Variants in ARFGEF3 observed in about 807,000 individuals in gnomAD.
ARFGEF3 encodes ARFGEF family member 3.
In ARFGEF3, 96 loss-of-function variants were observed where a neutral mutation model predicts 221.7. The observed-to-expected ratio is 0.43, with a 90% CI of 0.37 to 0.51. ARFGEF3 has a LOEUF of 0.51. Ranked by LOEUF, ARFGEF3 falls within the 20% of genes least tolerant of loss-of-function variation. The pLI, the probability that ARFGEF3 is intolerant of heterozygous loss-of-function variation, is 0.00. For synonymous variants in ARFGEF3, 1,145 were observed against 1,126.8 expected, an observed-to-expected ratio of 1.02 and a Z score of -0.32; for missense variants, 2,410 against 2,789.9, an observed-to-expected ratio of 0.86 and a Z score of 3.07.
intron 20 of ARFGEF3, among the ~76,000 whole-genome samples, chr6:138,294,528 A>G (rs1001070532): frequency 2.6e-5 from 4 of 152,220 alleles, no homozygotes; most frequent in African/African-American, 9.6e-5. Context: ...TGTGATATGC[A>G]GAAGCAACCA....
intron 1 of ARFGEF3, among the ~76,000 whole-genome samples, chr6:138,164,932 G>A (rs973870664): frequency 1.3e-5 from 2 of 152,220 alleles, no homozygotes; most frequent in Admixed American, 6.5e-5. Flanking sequence ...ATGGGAAAGG[G>A]GGGTTACCTC....
At chr6:138,280,299 G>A (rs1779175884) in intron 14 of ARFGEF3, 135 bp downstream of exon 14, 1 of 809,336 alleles carries the variant, frequency 1.2e-6, no homozygotes, top group Admixed American at 2.5e-5. Context: ...TGGCAATGGT[G>A]ACAGTTCCAG....
At chr6:138,281,953 G>C (rs1016761799) in intron 14 of ARFGEF3, among the ~76,000 whole-genome samples, 1 of 151,756 alleles carries the variant, frequency 6.6e-6, no homozygotes, top group African/African-American at 2.4e-5. Flanking sequence ...TGGTTGGTTG[G>C]TTTTTTTGTT....
chr6:138,256,816 A>T (rs758022769), intron 10 of ARFGEF3, among the ~76,000 whole-genome samples: 1 of 143,694 alleles, frequency 7.0e-6, no homozygotes, highest in Non-Finnish European at 1.5e-5. Context: ...ACAGAGTCTC[A>T]CTCTGTTGCC....
intron 8 of ARFGEF3, among the ~76,000 whole-genome samples, chr6:138,249,113 G>C (rs1778536141): frequency 6.6e-6 from 1 of 152,158 alleles, no homozygotes; most frequent in Non-Finnish European, 1.5e-5. Context: ...TAGAATAGTT[G>C]CTGCTAATTC....
At chr6:138,275,748 A>G (rs902750559) in intron 12 of ARFGEF3, among the ~76,000 whole-genome samples, 3 of 138,162 alleles carry the variant, frequency 2.2e-5, no homozygotes, top group African/African-American at 9.1e-5. Flanking sequence ...TGACTCAGGA[A>G]AAAAAAAAAA....
intron 2 of ARFGEF3, among the ~76,000 whole-genome samples, chr6:138,191,454 C>T (rs894914944): frequency 2.0e-5 from 3 of 152,164 alleles, no homozygotes; most frequent in Non-Finnish European, 2.9e-5. Context: ...TCTTCCTGAG[C>T]ATCACAGCCT....
chr6:138,318,701 A>T (rs1388930343), intron 27 of ARFGEF3, among the ~76,000 whole-genome samples: 1 of 152,200 alleles, frequency 6.6e-6, no homozygotes, highest in African/African-American at 2.4e-5. Flanking sequence ...ATTCTCATGT[A>T]ATTTCCATGT....
At chr6:138,209,763 C>T (rs991764985) in intron 3 of ARFGEF3, 147 bp from the exon 4 acceptor site, 23 of 966,628 alleles carry the variant, frequency 2.4e-5, no homozygotes, top group South Asian at 9.2e-5. Context: ...TTCTTTTTAA[C>T]GGCACATAGC....
At chr6:138,273,743 A>G (rs1779045220) in intron 12 of ARFGEF3, among the ~76,000 whole-genome samples, 1 of 152,236 alleles carries the variant, frequency 6.6e-6, no homozygotes, top group South Asian at 2.1e-4. Flanking sequence ...ATAGGGCAGG[A>G]TTAGAAAATG....
chr6:138,225,615 A>G (rs1778070277), intron 4 of ARFGEF3, among the ~76,000 whole-genome samples: 1 of 152,164 alleles, frequency 6.6e-6, no homozygotes, highest in Non-Finnish European at 1.5e-5. Context: ...TTGTAATCCC[A>G]CAATTAGAAC....
rs761082523 is a variant in ARFGEF3, at chr6:138,263,315, G to A, written c.1832G>A (p.Cys611Tyr). The change falls in exon 12 of 34, where the codon TGT (cysteine) becomes TAT (tyrosine). Residue 611 changes from cysteine (C) to tyrosine (Y), a missense_variant. Cys to Tyr is a radical substitution (Grantham distance 194, BLOSUM62 -2). Transcript: ENST00000251691. ...QDLSRTEFDS[C>Y]DQYSMAAEKD... Reference sequence around the variant, plus strand: ...CTTTCTAGGACAGAGTTTGATTCCTGTGATCAGTACTCTATGGCAGCAGAA... The same window carrying A: ...CTTTCTAGGACAGAGTTTGATTCCTATGATCAGTACTCTATGGCAGCAGAA... The A allele has an allele frequency of 6.2e-7, 1 of 1,614,006 alleles. No homozygotes were observed. Among genetic ancestry groups the A allele is most frequent in the South Asian group, 1.1e-5 (1 of 91,082 alleles).
chr6:138,254,697 C>T (rs2114576166), intron 9 of ARFGEF3, among the ~76,000 whole-genome samples: 2 of 152,234 alleles, frequency 1.3e-5, no homozygotes, highest in Non-Finnish European at 2.9e-5. Context: ...GCCTGGGCAA[C>T]AGAGCTAGAC....
At chr6:138,333,632 C>CG (rs1780264657) in intron 32 of ARFGEF3, among the ~76,000 whole-genome samples, 1 of 151,978 alleles carries the variant, frequency 6.6e-6, no homozygotes, top group African/African-American at 2.4e-5. Context: ...TTAGTAGAGA[C>CG]GGGGTTTCAC....
At chr6:138,294,340 C>T (rs1259147899) in intron 20 of ARFGEF3, among the ~76,000 whole-genome samples, 2 of 152,224 alleles carry the variant, frequency 1.3e-5, no homozygotes, top group Non-Finnish European at 2.9e-5. Context: ...GCTGCTACCA[C>T]ATCTATAAGA....
Position 138,279,991 on chromosome 6 carries a change from C to T in ARFGEF3, c.2296-8C>T, listed in dbSNP as rs201081476. Reference sequence around the variant, plus strand: ...ATGTGGTCACCTTCTCATGCGATCTCTCTGTAGAAGGACTTCATGAAGCAG... The same window carrying T: ...ATGTGGTCACCTTCTCATGCGATCTTTCTGTAGAAGGACTTCATGAAGCAG... On this transcript the variant is annotated splice_polypyrimidine_tract_variant and splice_region_variant and intron_variant, in intron 13 of 33. Transcript: ENST00000251691. 57 of 1,613,800 alleles carry T rather than the reference C, an allele frequency of 3.5e-5. No individual in the cohort carries two copies. The highest frequency in any genetic ancestry group is 4.7e-5 in the Non-Finnish European group (56 of 1,179,814).
At chr6:138,234,509 T>G (rs1778249720) in intron 5 of ARFGEF3, among the ~76,000 whole-genome samples, 1 of 151,488 alleles carries the variant, frequency 6.6e-6, no homozygotes, top group South Asian at 2.1e-4. Context: ...TGGTGTGTGT[T>G]TGCATCAGCA....
chr6:138,322,122 G>A (rs1028903275), intron 29 of ARFGEF3, among the ~76,000 whole-genome samples: 1 of 152,122 alleles, frequency 6.6e-6, no homozygotes, highest in African/African-American at 2.4e-5. Context: ...CCCTAATGTG[G>A]GTGGGCCTCG....
chr6:138,184,529 G>T (rs73774678), intron 2 of ARFGEF3, among the ~76,000 whole-genome samples: 1,963 of 152,312 alleles, frequency 0.013, 47 homozygotes, highest in African/African-American at 0.044. Flanking sequence ...GGAAGAAAGG[G>T]CAGATGAGAC....
Sources: allele counts gnomAD v4.1 joint callset (sites outside exome capture counted in the v4.1 genomes callset), GRCh38; gene constraint gnomAD v4.1.1; transcripts MANE v1.5; gene names NCBI Gene and HGNC (gene_info 2026-07-23, HGNC 2026-07-21).